ELMO1: variants seen among roughly 807,000 people sequenced by gnomAD.
ELMO1 encodes engulfment and cell motility protein 1.
ELMO1 carries 26 observed loss-of-function variants against 98.9 expected under a neutral mutation model. The ratio of observed to expected loss-of-function variants is 0.26; its 90% CI spans 0.19 to 0.36. The LOEUF is 0.36. Ranked by LOEUF, ELMO1 falls within the 10% of genes least tolerant of loss-of-function variation. The pLI is 1.00. For synonymous variants in ELMO1, 346 were observed against 346.0 expected, an observed-to-expected ratio of 1.00 and a Z score of 0.00; for missense variants, 627 against 935.2, an observed-to-expected ratio of 0.67 and a Z score of 4.30.
rs143758627 is a variant in ELMO1 at position 37,175,742 on chromosome 7, G to A, written c.1086+35644C>T. Among the ~76,000 whole-genome samples the A allele has an allele frequency of 2.6e-3, 400 of 152,324 alleles. 9 individuals carry two copies. In the East Asian group the frequency reaches 0.054, roughly 20 times the overall value. ...CACGCCTGTAATCCCAGCTACTCGG[G>A]AGGCTGAGGCACCAGAATCACTTGA... On this transcript the variant is annotated intron_variant, in intron 13 of 21. Coordinates refer to ENST00000310758, the MANE Select transcript of ELMO1 (RefSeq NM_014800.11).
At chr7:37,228,817 C>G (rs1195037725) in intron 8 of ELMO1, among the ~76,000 whole-genome samples, 1 of 152,092 alleles carries the variant, frequency 6.6e-6, no homozygotes, top group African/African-American at 2.4e-5. Context: ...TGGTGAAACC[C>G]CCATCTCTAC....
intron 1 of ELMO1, among the ~76,000 whole-genome samples, chr7:37,424,468 G>C (rs1487359621): frequency 6.6e-6 from 1 of 152,154 alleles, no homozygotes; most frequent in Non-Finnish European, 1.5e-5. Flanking sequence ...CTACAGGTAT[G>C]AGCTGATAAG....
At chr7:37,023,727 C>T (rs769423029) in intron 15 of ELMO1, among the ~76,000 whole-genome samples, 1 of 151,996 alleles carries the variant, frequency 6.6e-6, no homozygotes, top group African/African-American at 2.4e-5. Context: ...ATTACATGTG[C>T]GTGCCACCAA....
chr7:37,097,260 G>A (rs1202090947), intron 14 of ELMO1, among the ~76,000 whole-genome samples: 4 of 152,184 alleles, frequency 2.6e-5, no homozygotes, highest in African/African-American at 7.2e-5. Context: ...AACTGGGGCC[G>A]GGTATGGTGA....
At chr7:37,082,683 A>G (rs1783533878) in intron 15 of ELMO1, among the ~76,000 whole-genome samples, 1 of 152,088 alleles carries the variant, frequency 6.6e-6, no homozygotes, top group Non-Finnish European at 1.5e-5. Context: ...GTGAGCTGTG[A>G]CTGCGTTACT....
At chr7:36,889,099 A>G (rs1805312829) in intron 17 of ELMO1, among the ~76,000 whole-genome samples, 1 of 152,206 alleles carries the variant, frequency 6.6e-6, no homozygotes, top group African/African-American at 2.4e-5. Context: ...TCATGAGAAA[A>G]AAGAAAAAAG....
At position 37,342,611 on chromosome 7, in the gene ELMO1, AC is replaced by A. The variant is rs1359165797; in HGVS notation, c.78+1del. ...GACACCCAATGCTGTCACGTTACTA[AC>A]CTGATCAATTTCCATGAGTTTGGGG... On this transcript the variant is annotated splice_donor_variant, in intron 2 of 21. Transcript: ENST00000310758. LOFTEE classifies it high-confidence loss of function. This position sits in a 1 kb window ranked among gnomAD's most constrained non-coding sequence, Gnocchi z 4.3. 6.2e-7 allele frequency: 1 copy of A among 1,613,884 alleles called. No individual in the cohort carries two copies. The highest frequency in any genetic ancestry group is 8.5e-7 in the Non-Finnish European group (1 of 1,179,932).
chr7:36,904,794 C>T (rs1403035348), intron 16 of ELMO1, among the ~76,000 whole-genome samples: 1 of 152,168 alleles, frequency 6.6e-6, no homozygotes, highest in African/African-American at 2.4e-5. Flanking sequence ...GGTTTGGGGT[C>T]GTCGCTTTCT....
chr7:37,070,090 A>G (rs1387455753), intron 15 of ELMO1, among the ~76,000 whole-genome samples: 3 of 152,168 alleles, frequency 2.0e-5, no homozygotes, highest in Admixed American at 6.5e-5. Flanking sequence ...AATAAATGCA[A>G]TTTTCTTTTC....
intron 19 of ELMO1, among the ~76,000 whole-genome samples, chr7:36,876,532 C>G (rs189991066): frequency 6.6e-6 from 1 of 151,978 alleles, no homozygotes; most frequent in East Asian, 1.9e-4. Context: ...TCAGAACTGG[C>G]GGGAACATCT....
intron 16 of ELMO1, among the ~76,000 whole-genome samples, chr7:36,965,412 T>C (rs970340500): frequency 3.3e-5 from 5 of 152,300 alleles, no homozygotes; most frequent in African/African-American, 1.2e-4. Flanking sequence ...AGAAACCTTA[T>C]CCTTTCTCCC....
chr7:37,133,273 A>T (rs1187956184), intron 13 of ELMO1, 39 bp from the exon 14 acceptor site: 1 of 1,533,656 alleles, frequency 6.5e-7, no homozygotes, highest in East Asian at 2.3e-5. Context: ...TGAATTCTTC[A>T]GCAGATTTTA....
At chr7:37,438,638 A>C (rs1805263444) in intron 1 of ELMO1, among the ~76,000 whole-genome samples, 1 of 152,030 alleles carries the variant, frequency 6.6e-6, no homozygotes, top group South Asian at 2.1e-4. Flanking sequence ...TAATAACCTC[A>C]ATAATAATAG....
intron 1 of ELMO1, among the ~76,000 whole-genome samples, chr7:37,366,107 G>C (rs1432704361): frequency 1.3e-5 from 2 of 151,964 alleles, no homozygotes; most frequent in Non-Finnish European, 2.9e-5. Flanking sequence ...TATTCAAAGG[G>C]GCTAAAAGAT....
At chr7:36,892,290 T>C (rs1267469755) in intron 17 of ELMO1, among the ~76,000 whole-genome samples, 1 of 152,140 alleles carries the variant, frequency 6.6e-6, no homozygotes, top group Non-Finnish European at 1.5e-5. Context: ...GCTGTCCCTG[T>C]CTGCAAAATG....
At chr7:37,249,627 G>T (rs191477649) in intron 6 of ELMO1, among the ~76,000 whole-genome samples, 1 of 152,316 alleles carries the variant, frequency 6.6e-6, no homozygotes, top group African/African-American at 2.4e-5. Flanking sequence ...ACTCCTACAA[G>T]AATGGTAAAG....
intron 5 of ELMO1, among the ~76,000 whole-genome samples, chr7:37,260,291 G>A (rs538537457): frequency 9.9e-5 from 15 of 152,246 alleles, no homozygotes; most frequent in East Asian, 1.9e-4. Flanking sequence ...TTTTGAAACC[G>A]TGTTATATTT....
chr7:37,187,990 A>G (rs115859361), intron 13 of ELMO1, among the ~76,000 whole-genome samples: 2 of 151,982 alleles, frequency 1.3e-5, no homozygotes, highest in South Asian at 4.2e-4. Flanking sequence ...AATCATTTCT[A>G]TTACCTTGTG....
chr7:36,910,335 C>T (rs1031058325), intron 16 of ELMO1, among the ~76,000 whole-genome samples: 3 of 152,202 alleles, frequency 2.0e-5, no homozygotes, highest in Admixed American at 2.0e-4. Flanking sequence ...AATGAACAGG[C>T]TCTAGTGCCA....
Sources: gnomAD v4.1 joint callset for allele counts (sites outside exome capture counted in the v4.1 genomes callset) on GRCh38, gnomAD v4.1.1 for gene constraint, Gnocchi (gnomAD v3.1) non-coding constraint, MANE v1.5 for transcripts, NCBI Gene and HGNC (gene_info 2026-07-23, HGNC 2026-07-21) for gene names.